Variants in DLG2 observed in about 807,000 individuals in gnomAD.
DLG2 encodes the protein discs large MAGUK scaffold protein 2.
Under a neutral mutation model 132.5 loss-of-function variants are expected in DLG2, and 45 were observed. That is an observed-to-expected ratio of 0.34 (90% confidence interval 0.27 to 0.44). The LOEUF is 0.44. DLG2 is among the 20% of genes least tolerant of loss of function. The probability of loss-of-function intolerance (pLI) is 1.00; values close to 1 mark genes in which losing one functional copy is unlikely to be tolerated. For synonymous variants in DLG2, 424 were observed against 419.6 expected, an observed-to-expected ratio of 1.01 and a Z score of -0.13; for missense variants, 1,045 against 1,196.9, an observed-to-expected ratio of 0.87 and a Z score of 1.87.
At chr11:83,752,731 T>C (rs540077234) in intron 18 of DLG2, among the ~76,000 whole-genome samples, 28 of 136,326 alleles carry the variant, frequency 2.1e-4, no homozygotes, top group African/African-American at 9.2e-4. Context: ...ATTGATTCAA[T>C]AGAGAGAAAA....
intron 6 of DLG2, among the ~76,000 whole-genome samples, chr11:84,696,157 G>A (rs760831523): frequency 3.3e-5 from 5 of 151,366 alleles, no homozygotes; most frequent in Non-Finnish European, 7.4e-5. Context: ...AAAAAGTCAC[G>A]GAAATACGCA....
intron 21 of DLG2, among the ~76,000 whole-genome samples, chr11:83,517,300 T>C (rs530480181): frequency 1.3e-5 from 2 of 152,324 alleles, no homozygotes; most frequent in South Asian, 4.1e-4. Context: ...CCCTTTCTTC[T>C]AGTTGATCGA....
chr11:83,720,493 A>G (rs2088201060), intron 18 of DLG2, among the ~76,000 whole-genome samples: 1 of 151,854 alleles, frequency 6.6e-6, no homozygotes, highest in Admixed American at 6.6e-5. Context: ...CAGATGGAAG[A>G]ATGAGGTTCT....
intron 19 of DLG2, among the ~76,000 whole-genome samples, chr11:83,594,886 C>T (rs2057302218): frequency 6.6e-6 from 1 of 152,166 alleles, no homozygotes. Context: ...GGCTTAGGCT[C>T]CATACAGCTG....
At position 84,773,591 on chromosome 11, in the gene DLG2, A is replaced by C. The variant is rs1214561612; in HGVS notation, c.358-238860T>G. ...AAACCACCACGATCAAGTAGGTTTT[A>C]TTCCTGGGATGCAAAGTTGGTTCCA... On this transcript the variant is annotated intron_variant, in intron 6 of 27. Transcript: ENST00000376104. 1.2e-4 allele frequency among the ~76,000 whole-genome samples: 19 copies of C among 152,334 alleles called. No homozygotes were observed. The East Asian group carries it at 3.7e-3, about 29-fold the overall frequency.
At chr11:84,773,124 A>G (rs1341872271) in intron 6 of DLG2, among the ~76,000 whole-genome samples, 1 of 152,184 alleles carries the variant, frequency 6.6e-6, no homozygotes, top group African/African-American at 2.4e-5. Context: ...CAGAAATGCA[A>G]AAGCTCTCCA....
intron 2 of DLG2, among the ~76,000 whole-genome samples, chr11:85,605,590 T>G (rs116787995): frequency 6.6e-6 from 1 of 152,178 alleles, no homozygotes; most frequent in Non-Finnish European, 1.5e-5. Context: ...CTGAACAAAA[T>G]AGGCAATAGT....
chr11:85,378,080 T>C (rs566032900), intron 3 of DLG2, among the ~76,000 whole-genome samples: 55 of 152,150 alleles, frequency 3.6e-4, no homozygotes, highest in Middle Eastern at 3.4e-3. Context: ...TGACACTTCA[T>C]TGAGCCACAG....
At chr11:85,144,635 G>A (rs1005609088) in intron 5 of DLG2, among the ~76,000 whole-genome samples, 1 of 151,386 alleles carries the variant, frequency 6.6e-6, no homozygotes, top group Admixed American at 6.6e-5. Context: ...ATAATATCTT[G>A]TAAAAAATAA....
At chr11:85,039,777 T>C (rs2061695569) in intron 6 of DLG2, among the ~76,000 whole-genome samples, 1 of 151,950 alleles carries the variant, frequency 6.6e-6, no homozygotes. Context: ...TATAAGCCCC[T>C]TGATGGTATA....
chr11:84,910,511 A>G (rs1566359510), intron 6 of DLG2, among the ~76,000 whole-genome samples: 1 of 152,210 alleles, frequency 6.6e-6, no homozygotes. Context: ...TTACAGACAG[A>G]CACAAATAAC....
chr11:83,727,014 C>T (rs1201473454), intron 18 of DLG2, among the ~76,000 whole-genome samples: 1 of 152,174 alleles, frequency 6.6e-6, no homozygotes, highest in Non-Finnish European at 1.5e-5. Context: ...AATGATTCTA[C>T]TACTTCTAGT....
At chr11:83,767,169 T>C (rs1343694768) in intron 18 of DLG2, among the ~76,000 whole-genome samples, 2 of 152,222 alleles carry the variant, frequency 1.3e-5, no homozygotes, top group Non-Finnish European at 2.9e-5. Context: ...GTTTTAGGTA[T>C]TGGGATATGG....
intron 21 of DLG2, among the ~76,000 whole-genome samples, chr11:83,513,545 T>G (rs960656666): frequency 6.6e-6 from 1 of 152,262 alleles, no homozygotes; most frequent in Non-Finnish European, 1.5e-5. Context: ...AGATCCCATT[T>G]GTCAATTTTG....
In DLG2 at chr11:84,899,788, C is replaced by G. The variant is rs1274689624; in HGVS notation, c.357+211873G>C. ...AGGTAAAGCTATGCATTAGCTGTTT[C>G]CTTTAAGCATCACCTTGGGAAAATA... On this transcript the variant is annotated intron_variant, in intron 6 of 27. Coordinates refer to ENST00000376104, the MANE Select transcript of DLG2 (RefSeq NM_001142699.3). 2.0e-5 allele frequency among the ~76,000 whole-genome samples: 3 copies of G among 152,024 alleles called. No homozygotes were observed. The East Asian group carries it at 5.8e-4, about 29-fold the overall frequency.
intron 18 of DLG2, among the ~76,000 whole-genome samples, chr11:83,644,159 C>T (rs1285567839): frequency 1.3e-5 from 2 of 152,128 alleles, no homozygotes; most frequent in Admixed American, 1.3e-4. Flanking sequence ...TTTTGCAGCA[C>T]TCAGCATACA....
chr11:84,087,478 T>A (rs908702360), intron 10 of DLG2, among the ~76,000 whole-genome samples: 3 of 152,170 alleles, frequency 2.0e-5, no homozygotes, highest in African/African-American at 7.2e-5. Flanking sequence ...TTCAAATTTG[T>A]GGTAGGCTGA....
At chr11:85,428,238 G>A (rs1356666685) in intron 3 of DLG2, among the ~76,000 whole-genome samples, 1 of 152,202 alleles carries the variant, frequency 6.6e-6, no homozygotes, top group African/African-American at 2.4e-5. Flanking sequence ...AGTTAACAAG[G>A]ATATCCAGGA....
At chr11:85,139,613 T>C (rs2076333723) in intron 5 of DLG2, among the ~76,000 whole-genome samples, 1 of 152,062 alleles carries the variant, frequency 6.6e-6, no homozygotes. Context: ...TCTCATATAG[T>C]TACCCATTTT....
Sources: allele counts gnomAD v4.1 joint callset (sites outside exome capture counted in the v4.1 genomes callset), GRCh38; gene constraint gnomAD v4.1.1; transcripts MANE v1.5; gene names NCBI Gene and HGNC (gene_info 2026-07-23, HGNC 2026-07-21).